MYB: variants seen among roughly 807,000 people sequenced by gnomAD.
MYB encodes the protein MYB proto-oncogene, transcription factor.
MYB carries 28 observed loss-of-function variants against 92.9 expected under a neutral mutation model. The observed-to-expected ratio is 0.30, with a 90% CI of 0.22 to 0.41. MYB has a LOEUF of 0.41. Among genes scored for constraint, MYB ranks in the 10% least tolerant of loss-of-function variants. MYB has a pLI of 1.00. For synonymous variants in MYB, 295 were observed against 329.1 expected, an observed-to-expected ratio of 0.90 and a Z score of 1.12; for missense variants, 679 against 929.3, an observed-to-expected ratio of 0.73 and a Z score of 3.50.
Position 135,182,501 on chromosome 6 carries a change from G to T in MYB, c.23+965G>T, listed in dbSNP as rs1449289336. ...CACCCAAGGCCGCTGCCGCGCAACC[G>T]GGACGCGATCCCCGCGGGCTCTGCC... On this transcript the variant is annotated intron_variant, in intron 1 of 15. Coordinates refer to ENST00000341911, the MANE Select transcript of MYB (RefSeq NM_001130173.2). The surrounding 1 kb of genome is among the most constrained non-coding windows in gnomAD (Gnocchi z 5.6). Among the ~76,000 whole-genome samples the T allele has an allele frequency of 1.3e-5, 2 of 152,296 alleles. No individual in the cohort carries two copies. Among genetic ancestry groups the T allele is most frequent in the Non-Finnish European group, 2.9e-5 (2 of 68,010 alleles).
In MYB at chr6:135,190,039, T is replaced by C; in HGVS notation, c.307-88T>C. The C allele has an allele frequency of 1.3e-6, 2 of 1,503,830 alleles. No homozygotes were observed. Among genetic ancestry groups the C allele is most frequent in the Non-Finnish European group, 1.8e-6 (2 of 1,106,954 alleles). The allele number at this position is 1,503,830 out of a possible 1,614,324, so 93.2% of individuals were successfully genotyped here. ...GAATGAAAGCAAATTTTGGAAATTT[T>C]CTAAAGATCTTGTAACACTGAAGAA... is the stretch of plus-strand genomic sequence containing the variant. On this transcript the variant is annotated intron_variant, in intron 4 of 15. Transcript: ENST00000341911. The surrounding 1 kb of genome is among the most constrained non-coding windows in gnomAD (Gnocchi z 4.5).
In MYB at chr6:135,218,353, C is replaced by T. The variant is rs960584925; in HGVS notation, c.*373C>T. 3.9e-6 allele frequency: 1 copy of T among 254,004 alleles called. No individual in the cohort carries two copies. Among genetic ancestry groups the T allele is most frequent in the African/African-American group, 2.3e-5 (1 of 43,810 alleles). The allele number at this position is 254,004 out of a possible 1,614,324, so 15.7% of individuals were successfully genotyped here. ...AAATTTGACACATTAAAAGGTACTCCAGTATTTCACTTTTCTCGATCACTA... is the reference window on the plus strand; with the variant it reads ...AAATTTGACACATTAAAAGGTACTCTAGTATTTCACTTTTCTCGATCACTA... On this transcript the variant is annotated 3_prime_UTR_variant, in exon 16 of 16. Transcript: ENST00000341911.
chr6:135,203,839 C>T, intron 15 of MYB: 1 of 1,253,958 alleles, frequency 8.0e-7, no homozygotes. Context: ...TGAGGCCGAT[C>T]TGAAGTTGAC....
intron 3 of MYB, 100 bp downstream of exon 3, chr6:135,188,005 C>A: frequency 4.0e-6 from 3 of 750,020 alleles, no homozygotes; most frequent in South Asian, 4.7e-5. Context: ...ATAATTTACT[C>A]ACATTTAAGA....
intron 15 of MYB, among the ~76,000 whole-genome samples, chr6:135,215,027 A>T (rs1008840869): frequency 2.0e-5 from 3 of 152,252 alleles, no homozygotes; most frequent in African/African-American, 7.2e-5. Context: ...CTTGCTATGT[A>T]GTATTTCAAG....
rs979748767 is a variant in MYB at position 135,199,107 on chromosome 6, T to C, written c.1709+57T>C. The C allele has an allele frequency of 4.3e-5, 59 of 1,367,070 alleles. 1 individual carries two copies. In the Admixed American group the frequency reaches 7.8e-4, roughly 18 times the overall value. 84.7% of individuals were successfully genotyped at this position (1,367,070 alleles called of 1,614,324 possible). On this transcript the variant is annotated intron_variant, in intron 11 of 15. Transcript: ENST00000341911. Reference sequence around the variant, plus strand: ...ATCTTATTTACTTATATTTAATTAATGGAATATAGTTCCCAGATGTCTGAT... The same window carrying C: ...ATCTTATTTACTTATATTTAATTAACGGAATATAGTTCCCAGATGTCTGAT...
chr6:135,189,354 T>C (rs1776350770), intron 3 of MYB, among the ~76,000 whole-genome samples: 1 of 152,240 alleles, frequency 6.6e-6, no homozygotes, highest in Non-Finnish European at 1.5e-5. Context: ...CTTTCTGCAA[T>C]ATAAATACTT....
At chr6:135,208,080 A>ATT (rs1779209019) in intron 15 of MYB, among the ~76,000 whole-genome samples, 1 of 111,208 alleles carries the variant, frequency 9.0e-6, no homozygotes, top group African/African-American at 4.2e-5. Flanking sequence ...TTTTTTTTTT[A>ATT]ATTTTTTTTT....
At chr6:135,203,887 C>T in intron 15 of MYB, 4 of 1,187,022 alleles carry the variant, frequency 3.4e-6, no homozygotes, top group Non-Finnish European at 4.2e-6. Context: ...AGAGATTTCC[C>T]TTGTAACCCT....
In MYB at chr6:135,181,406, A is replaced by C; in HGVS notation, c.-108A>C. On this transcript the variant is annotated 5_prime_UTR_variant, in exon 1 of 16. Coordinates refer to ENST00000341911, the MANE Select transcript of MYB (RefSeq NM_001130173.2). This position sits in a 1 kb window ranked among gnomAD's most constrained non-coding sequence, Gnocchi z 5.3. ...GAGAAACTTCGCCCCAGCGGTGCGG[A>C]GCGCCGCTGCGCAGCCGGGGAGGGA... The C allele has an allele frequency of 1.4e-6, 1 of 736,334 alleles. No individual in the cohort carries two copies. The highest frequency in any genetic ancestry group is 1.7e-6 in the Non-Finnish European group (1 of 578,754). 45.6% of individuals were successfully genotyped at this position (736,334 alleles called of 1,614,324 possible). A position where few individuals can be genotyped will look rare whatever the true frequency, so the allele number is the denominator to read the frequency against.
rs79115752 is a variant in MYB at position 135,187,499 on chromosome 6, A to G, written c.142-335A>G. Among the ~76,000 whole-genome samples, 458 of 152,258 alleles carry G rather than the reference A, an allele frequency of 3.0e-3. 3 individuals are homozygous for G. The highest frequency in any genetic ancestry group is 0.011 in the African/African-American group (438 of 41,550). ...GCAAAATTGCCTCATGTAATCCCCA[A>G]ATAACCCTGTTAATATCAGCCTCAT... On this transcript the variant is annotated intron_variant, in intron 2 of 15. Transcript: ENST00000341911.
At chr6:135,194,045 G>A (rs1776967795) in intron 7 of MYB, 127 bp downstream of exon 7, 5 of 738,824 alleles carry the variant, frequency 6.8e-6, no homozygotes, top group Admixed American at 4.8e-5. Flanking sequence ...GAGGAGAGCA[G>A]AGTCTTGGCC....
chr6:135,201,303 A>T (rs1778055747), intron 13 of MYB, among the ~76,000 whole-genome samples: 1 of 152,248 alleles, frequency 6.6e-6, no homozygotes, highest in African/African-American at 2.4e-5. Flanking sequence ...TCACCAAAAG[A>T]TCTTTTATGT....
At chr6:135,217,542 A>C (rs1377523588) in intron 15 of MYB, among the ~76,000 whole-genome samples, 1 of 152,194 alleles carries the variant, frequency 6.6e-6, no homozygotes, top group East Asian at 1.9e-4. Flanking sequence ...GCCATAGCTC[A>C]CTTTAGGTAT....
In MYB at chr6:135,181,575, C is replaced by A. The variant is rs1775035997; in HGVS notation, c.23+39C>A. The A allele has an allele frequency of 8.9e-7, 1 of 1,128,770 alleles. No individual in the cohort carries two copies. Among genetic ancestry groups the A allele is most frequent in the Admixed American group, 4.8e-5 (1 of 21,030 alleles). The allele number at this position is 1,128,770 out of a possible 1,614,324, so 69.9% of individuals were successfully genotyped here. Reference sequence around the variant, plus strand: ...GGGCGGGCGGCCGAGGGCGGGGGCGCGCGGGGGCGCGCGGGGCGCCAGGCT... The same window carrying A: ...GGGCGGGCGGCCGAGGGCGGGGGCGAGCGGGGGCGCGCGGGGCGCCAGGCT... On this transcript the variant is annotated intron_variant, in intron 1 of 15. Transcript: ENST00000341911. The surrounding 1 kb of genome is among the most constrained non-coding windows in gnomAD (Gnocchi z 5.3).
intron 13 of MYB, 169 bp downstream of exon 13, chr6:135,200,584 A>G (rs919332141): frequency 4.2e-6 from 4 of 958,518 alleles, no homozygotes; most frequent in South Asian, 1.4e-5. Flanking sequence ...GGCATCATCA[A>G]CCTTTCCTTT....
chr6:135,187,948 C>A, intron 3 of MYB, 43 bp downstream of exon 3: 1 of 1,376,832 alleles, frequency 7.3e-7, no homozygotes, highest in Non-Finnish European at 1.0e-6. Flanking sequence ...AAAGCTTCTC[C>A]CAAAGATTTC....
chr6:135,218,322 T>A lies in MYB; in HGVS notation c.*342T>A, dbSNP rs1305336373. ...ATCAGTATTTTTTCCTGTGATGGGT[T>A]TTTTGAAATTTGACACATTAAAAGG... On this transcript the variant is annotated 3_prime_UTR_variant, in exon 16 of 16. Transcript: ENST00000341911. 3.7e-6 allele frequency: 1 copy of A among 273,586 alleles called. No homozygotes were observed. The highest frequency in any genetic ancestry group is 7.0e-6 in the Non-Finnish European group (1 of 143,170). The allele number at this position is 273,586 out of a possible 1,614,324, so 16.9% of individuals were successfully genotyped here. A position where few individuals can be genotyped will look rare whatever the true frequency, so the allele number is the denominator to read the frequency against.
chr6:135,185,773 G>T, intron 1 of MYB, 130 bp from the exon 2 acceptor site: 3 of 758,008 alleles, frequency 4.0e-6, no homozygotes, highest in Non-Finnish European at 6.8e-6. Flanking sequence ...ATCTTGTTGT[G>T]CAAGTTTTCA....
Sources: allele counts gnomAD v4.1 joint callset (sites outside exome capture counted in the v4.1 genomes callset), GRCh38; gene constraint gnomAD v4.1.1; non-coding constraint Gnocchi (gnomAD v3.1); transcripts MANE v1.5; gene names NCBI Gene and HGNC (gene_info 2026-07-23, HGNC 2026-07-21).